Variants in SULF1 observed in about 807,000 individuals in gnomAD.
SULF1 encodes the protein sulfatase 1.
A neutral mutation model predicts 110.5 loss-of-function variants in SULF1; 46 were observed. The observed-to-expected ratio is 0.42, with a 90% CI of 0.33 to 0.53. SULF1 has a LOEUF of 0.53. Ranked by LOEUF, SULF1 falls within the 20% of genes least tolerant of loss-of-function variation. The probability of loss-of-function intolerance (pLI) is 0.12; values close to 1 mark genes in which losing one functional copy is unlikely to be tolerated. For synonymous variants in SULF1, 371 were observed against 387.1 expected, an observed-to-expected ratio of 0.96 and a Z score of 0.49; for missense variants, 941 against 1,094.2, an observed-to-expected ratio of 0.86 and a Z score of 1.98.
chr8:69,501,531 C>T (rs541253835), intron 2 of SULF1, among the ~76,000 whole-genome samples: 10 of 152,208 alleles, frequency 6.6e-5, no homozygotes, highest in Non-Finnish European at 8.8e-5. Context: ...TTAGACAGCA[C>T]TCAACCTTTA....
At chr8:69,598,540 C>T (rs577816894) in intron 8 of SULF1, among the ~76,000 whole-genome samples, 35 of 152,112 alleles carry the variant, frequency 2.3e-4, no homozygotes, top group African/African-American at 7.2e-4. Flanking sequence ...TACAGGCGCC[C>T]GCCACCATGC....
At chr8:69,486,088 G>C (rs1809695128) in intron 1 of SULF1, among the ~76,000 whole-genome samples, 1 of 152,108 alleles carries the variant, frequency 6.6e-6, no homozygotes, top group South Asian at 2.1e-4. Context: ...GCAACTGTCA[G>C]AGTCACTCCT....
chr8:69,557,040 C>G (rs527951493), intron 3 of SULF1, among the ~76,000 whole-genome samples: 1 of 152,278 alleles, frequency 6.6e-6, no homozygotes. Flanking sequence ...TCTGTTCCTA[C>G]GTTAGTTTGC....
intron 2 of SULF1, among the ~76,000 whole-genome samples, chr8:69,499,430 A>C (rs1810632238): frequency 6.6e-6 from 1 of 152,238 alleles, no homozygotes; most frequent in Admixed American, 6.5e-5. Context: ...AAATTGGAAA[A>C]AACATTTTAA....
chr8:69,566,502 C>G (rs1815892807), intron 5 of SULF1, among the ~76,000 whole-genome samples: 1 of 152,166 alleles, frequency 6.6e-6, no homozygotes, highest in African/African-American at 2.4e-5. Flanking sequence ...CAGATATTTC[C>G]TACATATTTG....
intron 2 of SULF1, among the ~76,000 whole-genome samples, chr8:69,497,670 G>A (rs1810462161): frequency 1.3e-5 from 2 of 152,190 alleles, no homozygotes; most frequent in African/African-American, 2.4e-5. Flanking sequence ...ACTAAGGACT[G>A]TTATTTTAAT....
intron 19 of SULF1, among the ~76,000 whole-genome samples, 177 bp downstream of exon 19, chr8:69,629,856 A>T (rs1352469928): frequency 6.6e-6 from 1 of 152,016 alleles, no homozygotes; most frequent in Non-Finnish European, 1.5e-5. Flanking sequence ...TTTTCTTTAA[A>T]TTTTTTCTGG....
chr8:69,601,093 A>G (rs2130389798), intron 9 of SULF1, among the ~76,000 whole-genome samples: 1 of 152,370 alleles, frequency 6.6e-6, no homozygotes, highest in Admixed American at 6.5e-5. Context: ...ATCTAAAGGA[A>G]CAGCAATTAC....
chr8:69,468,764 T>C (rs1231436076), intron 1 of SULF1, among the ~76,000 whole-genome samples: 1 of 152,216 alleles, frequency 6.6e-6, no homozygotes, highest in African/African-American at 2.4e-5. Context: ...CAATACCATT[T>C]TTCACTACTG....
chr8:69,490,700 A>G (rs1809899470), upstream of SULF1, among the ~76,000 whole-genome samples: 1 of 152,212 alleles, frequency 6.6e-6, no homozygotes, highest in Admixed American at 6.5e-5. Context: ...AGTAGAATAG[A>G]AAAATCATTG....
At chr8:69,579,274 C>T (rs1485616917) in intron 6 of SULF1, among the ~76,000 whole-genome samples, 8 of 151,508 alleles carry the variant, frequency 5.3e-5, no homozygotes, top group Admixed American at 5.3e-4. Flanking sequence ...AAAATTGGGG[C>T]CGGGTGCAGT....
At chr8:69,536,436 C>A (rs887766684) in intron 3 of SULF1, among the ~76,000 whole-genome samples, 1 of 152,152 alleles carries the variant, frequency 6.6e-6, no homozygotes, top group African/African-American at 2.4e-5. Context: ...TCAAAAATAG[C>A]TGATATCTTA....
chr8:69,623,203 T>C (rs940616926), intron 14 of SULF1, among the ~76,000 whole-genome samples: 6 of 126,202 alleles, frequency 4.8e-5, no homozygotes, highest in Admixed American at 9.8e-5. Context: ...GATGAAAGCA[T>C]TAACAAAATT....
At chr8:69,563,136 A>C (rs931209897) in intron 3 of SULF1, 4 of 152,504 alleles carry the variant, frequency 2.6e-5, no homozygotes, top group African/African-American at 9.7e-5. Flanking sequence ...ACTCAGTATC[A>C]CACGCAGGTG....
In SULF1 at chr8:69,621,102, T is replaced by G; in HGVS notation, c.1445T>G (p.Leu482Arg). The change falls in exon 14 of 23, where the codon CTG becomes CGG. Residue 482 changes from leucine to arginine, a missense_variant. Leu to Arg is a moderately radical substitution (Grantham distance 102). Coordinates refer to ENST00000402687, the MANE Select transcript of SULF1 (RefSeq NM_001128205.2). ...CACAAGTGTAAAGGACCCAGTGACC[T>G]GCTCACAGTCCGGCAGAGCACGCGG... ...RIHKCKGPSD[L>R]LTVRQSTRNL... 6.2e-7 allele frequency: 1 copy of G among 1,614,146 alleles called. No homozygotes were observed. Among genetic ancestry groups the G allele is most frequent in the Non-Finnish European group, 8.5e-7 (1 of 1,179,982 alleles).
At chr8:69,531,966 G>C (rs72658246) in intron 3 of SULF1, among the ~76,000 whole-genome samples, 18,017 of 152,144 alleles carry the variant, frequency 0.12, 1,115 homozygotes, top group Middle Eastern at 0.19. Flanking sequence ...AGCAGCCATG[G>C]CTCTTCAGCA....
At chr8:69,624,435 A>G (rs1198344318) in intron 15 of SULF1, among the ~76,000 whole-genome samples, 4 of 152,246 alleles carry the variant, frequency 2.6e-5, no homozygotes, top group Non-Finnish European at 5.9e-5. Flanking sequence ...ATCCAGCCAG[A>G]GTAATTCACA....
intron 10 of SULF1, 47 bp downstream of exon 10, chr8:69,601,876 T>C: frequency 6.5e-7 from 1 of 1,531,140 alleles, no homozygotes. Context: ...ACCTCAAGTG[T>C]GTCTAAGATA....
At chr8:69,618,887 T>C (rs1374013689) in intron 13 of SULF1, among the ~76,000 whole-genome samples, 2 of 152,156 alleles carry the variant, frequency 1.3e-5, no homozygotes, top group Non-Finnish European at 2.9e-5. Context: ...TCATGAATAA[T>C]TGCATATCAT....
Sources: allele counts gnomAD v4.1 joint callset (sites outside exome capture counted in the v4.1 genomes callset), GRCh38; gene constraint gnomAD v4.1.1; transcripts MANE v1.5; gene names NCBI Gene and HGNC (gene_info 2026-07-23, HGNC 2026-07-21).